The following PTPRT variants were observed in gnomAD, a reference collection of about 807,000 sequenced individuals.
PTPRT encodes the protein protein tyrosine phosphatase receptor type T.
A neutral mutation model predicts 176.8 loss-of-function variants in PTPRT; 56 were observed. The observed-to-expected ratio is 0.32, with a 90% confidence interval of 0.26 to 0.40. The LOEUF is 0.40. Ranked by LOEUF, PTPRT falls within the 10% of genes least tolerant of loss-of-function variation. PTPRT has a pLI of 1.00. For synonymous variants in PTPRT, 783 were observed against 739.0 expected, an observed-to-expected ratio of 1.06 and a Z score of -0.96; for missense variants, 1,540 against 1,908.2, an observed-to-expected ratio of 0.81 and a Z score of 3.60.
chr20:42,583,885 G>A (rs1022047182), intron 7 of PTPRT, among the ~76,000 whole-genome samples: 1 of 152,050 alleles, frequency 6.6e-6, no homozygotes, highest in Admixed American at 6.5e-5. Context: ...TACTCCATGT[G>A]GTAGACTAAA....
intron 1 of PTPRT, among the ~76,000 whole-genome samples, chr20:42,946,978 C>G (rs1209258237): frequency 2.6e-5 from 4 of 152,144 alleles, no homozygotes; most frequent in African/African-American, 7.2e-5. Context: ...GAGGGTACAA[C>G]ATCAAGAACC....
chr20:42,939,305 T>C (rs1980398412), intron 1 of PTPRT, among the ~76,000 whole-genome samples: 1 of 152,226 alleles, frequency 6.6e-6, no homozygotes, highest in Admixed American at 6.5e-5. Context: ...AGAGAATGAT[T>C]CTGAATACAT....
At chr20:42,212,412 T>C (rs1043766677) in intron 15 of PTPRT, among the ~76,000 whole-genome samples, 2 of 137,580 alleles carry the variant, frequency 1.5e-5, no homozygotes, top group Non-Finnish European at 3.0e-5. Flanking sequence ...TTAGTCTTTT[T>C]TCTCAAAAAA....
intron 15 of PTPRT, among the ~76,000 whole-genome samples, chr20:42,232,525 C>T (rs532210560): frequency 5.3e-4 from 80 of 152,084 alleles, no homozygotes; most frequent in Non-Finnish European, 1.0e-3. Flanking sequence ...GGCTCCCCCT[C>T]GGGGCATATA....
At chr20:42,711,295 C>A (rs752654755) in intron 6 of PTPRT, among the ~76,000 whole-genome samples, 2 of 152,128 alleles carry the variant, frequency 1.3e-5, no homozygotes, top group Admixed American at 1.3e-4. Flanking sequence ...TGAATGTTTG[C>A]CCCCTCTACA....
intron 11 of PTPRT, among the ~76,000 whole-genome samples, chr20:42,323,500 T>G (rs1281854487): frequency 6.6e-6 from 1 of 151,280 alleles, no homozygotes; most frequent in East Asian, 1.9e-4. Flanking sequence ...CTCAGCAAAC[T>G]ATCGCAAGGA....
intron 11 of PTPRT, among the ~76,000 whole-genome samples, chr20:42,345,648 C>A (rs2058184325): frequency 2.1e-5 from 3 of 144,160 alleles, no homozygotes; most frequent in Non-Finnish European, 1.5e-5. Context: ...AGACACTATC[C>A]CATGTAAAGG....
chr20:42,714,212 G>T (rs1277424325), intron 6 of PTPRT, among the ~76,000 whole-genome samples: 1 of 152,090 alleles, frequency 6.6e-6, no homozygotes, highest in Non-Finnish European at 1.5e-5. Context: ...TTATGTTTCT[G>T]GGGTTCTAAG....
intron 1 of PTPRT, among the ~76,000 whole-genome samples, chr20:42,907,705 C>T (rs1428470368): frequency 6.6e-6 from 1 of 152,132 alleles, no homozygotes; most frequent in African/African-American, 2.4e-5. Flanking sequence ...CAGCCTCTTG[C>T]ATCAACAGTA....
chr20:43,110,602 T>G (rs759710606), intron 1 of PTPRT, among the ~76,000 whole-genome samples: 7 of 152,228 alleles, frequency 4.6e-5, no homozygotes, highest in Non-Finnish European at 1.0e-4. Context: ...GGTTTCAGTT[T>G]GTTGACAGTC....
intron 7 of PTPRT, among the ~76,000 whole-genome samples, chr20:42,650,365 C>G (rs1459522837): frequency 6.6e-6 from 1 of 152,138 alleles, no homozygotes; most frequent in Non-Finnish European, 1.5e-5. Flanking sequence ...TCCTCCCTCC[C>G]TCAAGCAATC....
intron 15 of PTPRT, among the ~76,000 whole-genome samples, chr20:42,205,195 C>A (rs1343049723): frequency 1.3e-5 from 2 of 152,006 alleles, no homozygotes; most frequent in African/African-American, 2.4e-5. Flanking sequence ...CTGCTTAGGT[C>A]TCTTTTGGAA....
chr20:42,230,385 C>T (rs1401735935), intron 15 of PTPRT, among the ~76,000 whole-genome samples: 14 of 152,186 alleles, frequency 9.2e-5, no homozygotes, highest in Non-Finnish European at 1.9e-4. Flanking sequence ...AGTAAAATAC[C>T]TCTGTTCAAA....
At chr20:42,709,674 T>G (rs891972282) in intron 6 of PTPRT, among the ~76,000 whole-genome samples, 1 of 152,192 alleles carries the variant, frequency 6.6e-6, no homozygotes, top group Non-Finnish European at 1.5e-5. Context: ...GCTATAAAAG[T>G]ACCTGAAGAT....
At chr20:42,669,183 C>T (rs999818461) in intron 7 of PTPRT, among the ~76,000 whole-genome samples, 6 of 152,086 alleles carry the variant, frequency 3.9e-5, no homozygotes, top group African/African-American at 1.4e-4. Context: ...TGCCAGAACC[C>T]TTTCTCCACA....
At chr20:42,790,118 T>A (rs954915244) in intron 3 of PTPRT, among the ~76,000 whole-genome samples, 2 of 152,200 alleles carry the variant, frequency 1.3e-5, no homozygotes, top group African/African-American at 4.8e-5. Context: ...TCTGGACTGC[T>A]TTATAATGAT....
chr20:42,353,755 A>C (rs2058320521), intron 9 of PTPRT, among the ~76,000 whole-genome samples: 1 of 152,224 alleles, frequency 6.6e-6, no homozygotes, highest in South Asian at 2.1e-4. Flanking sequence ...TTCCATTAAA[A>C]ATATTTAATT....
chr20:42,601,938 A>G (rs556864633), intron 7 of PTPRT, among the ~76,000 whole-genome samples: 2 of 152,258 alleles, frequency 1.3e-5, no homozygotes, highest in Admixed American at 1.3e-4. Context: ...CATGGTGAAC[A>G]CCAGGTGCCC....
At chr20:42,697,610 T>C (rs1234993023) in intron 6 of PTPRT, among the ~76,000 whole-genome samples, 1 of 152,198 alleles carries the variant, frequency 6.6e-6, no homozygotes, top group Non-Finnish European at 1.5e-5. Flanking sequence ...TTAATTCAAA[T>C]GTTCCAGCAC....
Sources: gnomAD v4.1 joint callset for allele counts (sites outside exome capture counted in the v4.1 genomes callset) on GRCh38, gnomAD v4.1.1 for gene constraint, MANE v1.5 for transcripts, NCBI Gene and HGNC (gene_info 2026-07-23, HGNC 2026-07-21) for gene names.